The following ZNF536 variants were observed in gnomAD, a reference collection of about 807,000 sequenced individuals.
ZNF536 encodes the protein zinc finger protein 536.
In ZNF536, 13 loss-of-function variants were observed where a neutral mutation model predicts 84.5. The observed-to-expected ratio is 0.15, with a 90% CI of 0.10 to 0.24. ZNF536 has a LOEUF of 0.24. ZNF536 is among the 10% of genes least tolerant of loss of function. ZNF536 has a pLI of 1.00. For synonymous variants in ZNF536, 811 were observed against 742.5 expected (o/e 1.09, Z -1.50); for missense variants, 1,536 against 1,747.5 (o/e 0.88, Z 2.16).
chr19:30,661,227 C>T (rs1475833271), intron 1 of ZNF536, among the ~76,000 whole-genome samples: 1 of 152,236 alleles, frequency 6.6e-6, no homozygotes, highest in Admixed American at 6.5e-5. Context: ...CTAGACTCTT[C>T]TTAGGCAACC....
chr19:30,646,651 C>T (rs962501371), intron 1 of ZNF536, among the ~76,000 whole-genome samples: 6 of 152,296 alleles, frequency 3.9e-5, no homozygotes, highest in African/African-American at 1.4e-4. Context: ...GTGTTAATTA[C>T]TCAAGTGGCA....
At chr19:30,606,581 C>T (rs2047900338) in intron 1 of ZNF536, among the ~76,000 whole-genome samples, 1 of 152,174 alleles carries the variant, frequency 6.6e-6, no homozygotes, top group Non-Finnish European at 1.5e-5. Flanking sequence ...AGTCAAGACC[C>T]TGAAGGTGTT....
intron 2 of ZNF536, among the ~76,000 whole-genome samples, chr19:30,485,574 C>T (rs1450987075): frequency 1.3e-5 from 2 of 151,598 alleles, no homozygotes; most frequent in Non-Finnish European, 2.9e-5. Context: ...GTTTCATTTC[C>T]TTGAGCAAGC....
At chr19:30,543,581 C>T (rs1273933699) in intron 3 of ZNF536, among the ~76,000 whole-genome samples, 6 of 152,322 alleles carry the variant, frequency 3.9e-5, no homozygotes, top group Middle Eastern at 6.8e-3. Flanking sequence ...TAGCCCAGAG[C>T]GCTTGGGTAG....
chr19:30,308,877 C>G (rs1193618381), intron 2 of ZNF536, among the ~76,000 whole-genome samples: 2 of 152,112 alleles, frequency 1.3e-5, no homozygotes, highest in African/African-American at 2.4e-5. Flanking sequence ...GGTGATGAGG[C>G]CAGCTTGGAG....
intron 1 of ZNF536, among the ~76,000 whole-genome samples, chr19:30,405,296 A>G (rs762719116): frequency 6.6e-6 from 1 of 152,246 alleles, no homozygotes; most frequent in Non-Finnish European, 1.5e-5. Flanking sequence ...GAAAAAGATC[A>G]GAAATATTCT....
At chr19:30,501,886 G>A (rs181021832) in intron 2 of ZNF536, among the ~76,000 whole-genome samples, 8 of 152,246 alleles carry the variant, frequency 5.3e-5, no homozygotes, top group African/African-American at 1.9e-4. Context: ...CACATGCTTA[G>A]CATTCCAATA....
chr19:30,426,915 T>A (rs528800905), intron 1 of ZNF536, among the ~76,000 whole-genome samples: 2 of 152,192 alleles, frequency 1.3e-5, no homozygotes, highest in Admixed American at 1.3e-4. Flanking sequence ...TCTGTGTGCA[T>A]TATTTCTTCT....
intron 1 of ZNF536, among the ~76,000 whole-genome samples, chr19:30,674,663 A>C (rs544727838): frequency 6.6e-6 from 1 of 152,156 alleles, no homozygotes; most frequent in South Asian, 2.1e-4. Flanking sequence ...ATTGCTGCCC[A>C]TCGTGGGTGG....
chr19:30,439,874 A>G (rs1226797541), intron 1 of ZNF536, among the ~76,000 whole-genome samples: 2 of 151,632 alleles, frequency 1.3e-5, no homozygotes, highest in Non-Finnish European at 2.9e-5. Context: ...GGTGATAACC[A>G]TGGACACCTA....
intron 1 of ZNF536, among the ~76,000 whole-genome samples, chr19:30,678,442 T>C (rs1035488668): frequency 1.3e-5 from 2 of 152,182 alleles, no homozygotes; most frequent in East Asian, 3.9e-4. Flanking sequence ...GGCAGAGACC[T>C]GCACAAGCTC....
chr19:30,407,738 G>A (rs922711493), intron 1 of ZNF536, among the ~76,000 whole-genome samples: 3 of 152,182 alleles, frequency 2.0e-5, no homozygotes, highest in Admixed American at 6.5e-5. Flanking sequence ...GATTATGCTT[G>A]CATACCATTT....
At chr19:30,539,023 C>T (rs1198304818) in intron 3 of ZNF536, among the ~76,000 whole-genome samples, 2 of 150,440 alleles carry the variant, frequency 1.3e-5, no homozygotes, top group Admixed American at 1.3e-4. Context: ...GCCTGGGCCA[C>T]ATAGTGAGAC....
chr19:30,265,405 C>T lies in ZNF536; in HGVS notation c.-189-18667C>T, dbSNP rs578258530. Among the ~76,000 whole-genome samples the T allele has an allele frequency of 2.4e-4, 37 of 152,256 alleles. No homozygotes were observed. The East Asian group carries it at 6.4e-3, about 26-fold the overall frequency. On this transcript the variant is annotated intron_variant, in intron 1 of 5. Coordinates refer to the ZNF536 transcript ENST00000585628. ...TCCTGCAGGTCAGGAGGGACCTTTCCTTCTGCAGGTCTCCCTTCATCAGAG... is the reference window on the plus strand; with the variant it reads ...TCCTGCAGGTCAGGAGGGACCTTTCTTTCTGCAGGTCTCCCTTCATCAGAG...
upstream of ZNF536, among the ~76,000 whole-genome samples, chr19:30,370,274 A>T (rs1231304557): frequency 1.3e-5 from 2 of 152,134 alleles, no homozygotes; most frequent in East Asian, 3.9e-4. Context: ...TTTCTAACTT[A>T]ATTTATGACT....
At chr19:30,443,086 A>G (rs972945696) in intron 1 of ZNF536, among the ~76,000 whole-genome samples, 2 of 144,594 alleles carry the variant, frequency 1.4e-5, no homozygotes. Flanking sequence ...GATCTCTTTC[A>G]TCTCAGACTG....
intron 1 of ZNF536, among the ~76,000 whole-genome samples, chr19:30,425,567 A>G (rs906441159): frequency 2.0e-5 from 3 of 152,114 alleles, no homozygotes; most frequent in Non-Finnish European, 4.4e-5. Flanking sequence ...CCAGTGCTGC[A>G]TAACCCCACT....
At chr19:30,627,837 C>A (rs2048743517) in intron 1 of ZNF536, among the ~76,000 whole-genome samples, 1 of 152,170 alleles carries the variant, frequency 6.6e-6, no homozygotes, top group Non-Finnish European at 1.5e-5. Context: ...AAGATGGGTG[C>A]AATACCACTC....
At chr19:30,593,107 G>A (rs2047330542) in intron 1 of ZNF536, among the ~76,000 whole-genome samples, 1 of 152,208 alleles carries the variant, frequency 6.6e-6, no homozygotes, top group Non-Finnish European at 1.5e-5. Context: ...GAGAGGCTGT[G>A]TGAAAACCAT....
Sources: allele counts gnomAD v4.1 joint callset (sites outside exome capture counted in the v4.1 genomes callset), GRCh38; gene constraint gnomAD v4.1.1; transcripts MANE v1.5; gene names NCBI Gene and HGNC (gene_info 2026-07-23, HGNC 2026-07-21).